The following RGL1 variants were observed in gnomAD, a reference collection of about 807,000 sequenced individuals.
RGL1 encodes the protein ral guanine nucleotide dissociation stimulator-like 1.
A neutral mutation model predicts 95.2 loss-of-function variants in RGL1; 24 were observed. The ratio of observed to expected loss-of-function variants is 0.25; its 90% CI spans 0.18 to 0.35. The LOEUF (loss-of-function observed/expected upper bound fraction) is 0.35, where lower values mean the gene tolerates loss of function less well. Among genes scored for constraint, RGL1 ranks in the 10% least tolerant of loss-of-function variants. RGL1 has a pLI of 1.00. For synonymous variants in RGL1, 329 were observed against 344.9 expected (o/e 0.95, Z 0.51); for missense variants, 715 against 936.3 (o/e 0.76, Z 3.08).
intron 9 of RGL1, 27 bp from the exon 10 acceptor site, chr1:183,897,780 TC>T (rs773596301): frequency 6.5e-7 from 1 of 1,549,472 alleles, no homozygotes; most frequent in Non-Finnish European, 8.9e-7. Context: ...CTGTATCAAT[TC>T]CCTCTGTGTG....
At chr1:183,885,527 C>T (rs1383247952) in intron 7 of RGL1, among the ~76,000 whole-genome samples, 1 of 152,170 alleles carries the variant, frequency 6.6e-6, no homozygotes, top group Non-Finnish European at 1.5e-5. Flanking sequence ...GACTCACATT[C>T]TTCTGAGTGT....
chr1:183,917,648 A>T (rs549852921), intron 16 of RGL1, among the ~76,000 whole-genome samples: 2 of 152,358 alleles, frequency 1.3e-5, no homozygotes, highest in East Asian at 1.9e-4. Context: ...TAGTCATTAG[A>T]TCAGGCTTTG....
chr1:183,680,784 A>G (rs1310880059), intron 1 of RGL1, among the ~76,000 whole-genome samples: 2 of 152,052 alleles, frequency 1.3e-5, no homozygotes, highest in Non-Finnish European at 2.9e-5. Context: ...GGCCATTTTC[A>G]CGATATTGAT....
chr1:183,648,831 T>A, intron 1 of RGL1: 1 of 1,445,014 alleles, frequency 6.9e-7, no homozygotes, highest in Non-Finnish European at 9.3e-7. Flanking sequence ...GAAGAGAAAT[T>A]ACATATAAAA....
intron 17 of RGL1, among the ~76,000 whole-genome samples, chr1:183,924,805 A>C (rs959080613): frequency 1.3e-5 from 2 of 150,766 alleles, no homozygotes; most frequent in African/African-American, 4.9e-5. Context: ...AATACAAAAA[A>C]AAAAAAAAAA....
At chr1:183,719,060 T>G (rs1655821249) in intron 1 of RGL1, among the ~76,000 whole-genome samples, 1 of 152,232 alleles carries the variant, frequency 6.6e-6, no homozygotes, top group African/African-American at 2.4e-5. Flanking sequence ...TTATCAACAT[T>G]ATAACTTTGC....
At chr1:183,875,985 G>A (rs1666475066) in intron 4 of RGL1, among the ~76,000 whole-genome samples, 1 of 151,252 alleles carries the variant, frequency 6.6e-6, no homozygotes, top group African/African-American at 2.4e-5. Context: ...CAAGTGTTTA[G>A]CTCTTTCACC....
chr1:183,650,271 T>C lies in RGL1; in HGVS notation c.-33+13770T>C, dbSNP rs562365328. ...ATTAAAAATAATATTCGGCCAGGCG[T>C]GGTGGCTCACGCCTATAATCCCAGC... On this transcript the variant is annotated intron_variant, in intron 1 of 18. Transcript: ENST00000304685. Among the ~76,000 whole-genome samples, 24 of 146,932 alleles carry C rather than the reference T, an allele frequency of 1.6e-4. No individual in the cohort carries two copies. In the South Asian group the frequency reaches 1.7e-3, roughly 11 times the overall value.
In RGL1 at chr1:183,880,617, G is replaced by A; in HGVS notation, c.427G>A (p.Ala143Thr). 1 of 1,613,340 alleles carries A rather than the reference G, an allele frequency of 6.2e-7. No homozygotes were observed. The highest frequency in any genetic ancestry group is 1.1e-5 in the South Asian group (1 of 91,014). Residue 143 changes from alanine to threonine, a missense_variant and splice_region_variant, in exon 5 of 18, where the codon GCA (alanine) becomes ACA (threonine). Ala to Thr is a moderately conservative substitution (Grantham distance 58, BLOSUM62 0). This residue lies in a region of RGL1 where 381 missense variants were observed against 484.8 expected (regional missense o/e 0.79). Coordinates refer to ENST00000360851, the MANE Select transcript of RGL1 (RefSeq NM_001297671.3). ...SSESKMVIRN[A>T]IASILRAWLD... ...TGACTCTCCATTTGTCTTTCTCAGT[G>A]CAATCGCTTCCATACTAAGGGCCTG... is the stretch of plus-strand genomic sequence containing the variant.
chr1:183,774,875 A>T (rs955523428), intron 2 of RGL1, among the ~76,000 whole-genome samples: 2 of 152,104 alleles, frequency 1.3e-5, no homozygotes, highest in African/African-American at 4.8e-5. Context: ...CGCCTGGCCT[A>T]CATTTGTTAT....
At chr1:183,755,559 G>A (rs1054920243) in intron 2 of RGL1, among the ~76,000 whole-genome samples, 1 of 151,998 alleles carries the variant, frequency 6.6e-6, no homozygotes, top group African/African-American at 2.4e-5. Flanking sequence ...AATTGGACAT[G>A]TTTTGTGGTG....
chr1:183,763,721 T>C (rs1040920142), intron 2 of RGL1, among the ~76,000 whole-genome samples: 7 of 152,258 alleles, frequency 4.6e-5, no homozygotes, highest in Non-Finnish European at 1.0e-4. Context: ...AGGATTGTTA[T>C]GAGAATTAAT....
intron 1 of RGL1, among the ~76,000 whole-genome samples, chr1:183,664,968 G>C (rs1651929963): frequency 6.6e-6 from 1 of 152,080 alleles, no homozygotes; most frequent in Admixed American, 6.6e-5. Context: ...CCTGATCTTA[G>C]TGGGAAAGCT....
intron 1 of RGL1, among the ~76,000 whole-genome samples, chr1:183,672,622 A>T (rs762691887): frequency 6.6e-6 from 1 of 152,322 alleles, no homozygotes; most frequent in South Asian, 2.1e-4. Flanking sequence ...AAGGGGTTTT[A>T]AAAATCCAGT....
At chr1:183,878,228 G>A (rs1421124700) in intron 4 of RGL1, among the ~76,000 whole-genome samples, 3 of 150,304 alleles carry the variant, frequency 2.0e-5, no homozygotes, top group East Asian at 2.0e-4. Flanking sequence ...ATAGGGTCTC[G>A]CTCTGTTACC....
At chr1:183,748,371 T>C (rs886993265) in intron 2 of RGL1, among the ~76,000 whole-genome samples, 1 of 150,710 alleles carries the variant, frequency 6.6e-6, no homozygotes, top group Non-Finnish European at 1.5e-5. Flanking sequence ...TACGAGCTTT[T>C]GAATTTGTTT....
chr1:183,695,570 G>C (rs572546539), intron 1 of RGL1, among the ~76,000 whole-genome samples: 1 of 152,196 alleles, frequency 6.6e-6, no homozygotes, highest in Admixed American at 6.5e-5. Context: ...TCAAGTGGTT[G>C]AAGCTCTCCA....
At chr1:183,641,556 C>T (rs1036784647) in intron 1 of RGL1, among the ~76,000 whole-genome samples, 5 of 132,394 alleles carry the variant, frequency 3.8e-5, no homozygotes, top group South Asian at 2.4e-4. Context: ...AGGCATGAGC[C>T]CCCCCCACCA....
At chr1:183,757,290 C>A (rs1658400966) in intron 2 of RGL1, among the ~76,000 whole-genome samples, 1 of 152,176 alleles carries the variant, frequency 6.6e-6, no homozygotes, top group Non-Finnish European at 1.5e-5. Context: ...GTTCATCATG[C>A]ATGCTTTGGA....
Sources: allele counts gnomAD v4.1 joint callset (sites outside exome capture counted in the v4.1 genomes callset), GRCh38; gene constraint gnomAD v4.1.1; regional missense constraint gnomAD v4.1.1; transcripts MANE v1.5; gene names NCBI Gene and HGNC (gene_info 2026-07-23, HGNC 2026-07-21).